The following KCNG2 variants were observed in gnomAD, a reference collection of about 807,000 sequenced individuals.
KCNG2 encodes the protein voltage-gated potassium channel regulatory subunit KCNG2.
In KCNG2, 7 loss-of-function variants were observed where a neutral mutation model predicts 12.3. That is an observed-to-expected ratio of 0.57 (90% CI 0.32 to 1.07). KCNG2 has a LOEUF of 1.07. Ranked by LOEUF, KCNG2 falls within the 50% of genes least tolerant of loss-of-function variation. The pLI is 0.04. For synonymous variants in KCNG2, 414 were observed against 351.4 expected (o/e 1.18, Z -1.99); for missense variants, 703 against 726.0 (o/e 0.97, Z 0.36).
chr18:79,815,514 C>A (rs973679535), intron 1 of KCNG2, among the ~76,000 whole-genome samples: 1 of 151,398 alleles, frequency 6.6e-6, no homozygotes, highest in African/African-American at 2.4e-5. Flanking sequence ...TGGCTTCTAG[C>A]GGAATCAAAG....
intron 1 of KCNG2, among the ~76,000 whole-genome samples, chr18:79,819,059 G>GA (rs1299727523): frequency 3.9e-5 from 6 of 152,028 alleles, no homozygotes; most frequent in Non-Finnish European, 5.9e-5. Flanking sequence ...ATCAGGAGAT[G>GA]AAAAAAACAA....
intron 1 of KCNG2, among the ~76,000 whole-genome samples, chr18:79,826,433 G>A (rs750413253): frequency 1.1e-4 from 17 of 151,596 alleles, no homozygotes; most frequent in Non-Finnish European, 2.4e-4. Flanking sequence ...AGCTCCTCAC[G>A]GAAGGTTAGA....
intron 3 of KCNG2, among the ~76,000 whole-genome samples, chr18:79,889,457 A>G (rs1385457617): frequency 6.9e-6 from 1 of 144,890 alleles, no homozygotes; most frequent in Non-Finnish European, 1.6e-5. Flanking sequence ...TGTAGTTATC[A>G]AAGTGTAAGT....
At position 79,899,495 on chromosome 18, in the gene KCNG2, T is replaced by C. The variant is rs114148894; in HGVS notation, c.1080T>C (p.Tyr360=). The C allele has an allele frequency of 7.3e-3, 11,664 of 1,607,766 alleles. 719 individuals are homozygous for C. The African/African-American group carries it at 0.13, about 19-fold the overall frequency. The change falls in exon 4 of 4, where the codon TAT becomes TAC. Residue 360 remains tyrosine, a synonymous_variant. Coordinates refer to ENST00000316249, the MANE Select transcript of KCNG2 (RefSeq NM_012283.2). ...ACTTCTCCAGCGTGCCCGCCAGCTA[T>C]TGGTGGGCCGTCATCTCCATGACCA... is the stretch of plus-strand genomic sequence containing the variant. ...RRDFSSVPAS[Y]WWAVISMTTV... is the part of the protein sequence containing the mutation.
At chr18:79,808,047 C>T (rs80132122) in intron 1 of KCNG2, among the ~76,000 whole-genome samples, 6 of 116,132 alleles carry the variant, frequency 5.2e-5, no homozygotes, top group Non-Finnish European at 8.7e-5. Context: ...CTCCACGTTA[C>T]GGTCCCAGAG....
At chr18:79,892,690 G>A (rs953382730) in intron 3 of KCNG2, among the ~76,000 whole-genome samples, 1 of 141,534 alleles carries the variant, frequency 7.1e-6, no homozygotes, top group Non-Finnish European at 1.5e-5. Flanking sequence ...TGCTTTTGAT[G>A]GGGTTGTTCA....
intron 1 of KCNG2, among the ~76,000 whole-genome samples, chr18:79,849,002 T>C (rs1978721204): frequency 6.6e-6 from 1 of 152,136 alleles, no homozygotes; most frequent in African/African-American, 2.4e-5. Context: ...GAGCCGTGGA[T>C]AATGAGTGCT....
chr18:79,842,865 C>G (rs1178873528), intron 1 of KCNG2, among the ~76,000 whole-genome samples: 2 of 152,006 alleles, frequency 1.3e-5, no homozygotes, highest in African/African-American at 4.8e-5. Context: ...GGACTGCCAG[C>G]AAGCAAATCA....
chr18:79,807,959 G>A (rs1173818857), intron 1 of KCNG2, among the ~76,000 whole-genome samples: 2 of 113,458 alleles, frequency 1.8e-5, no homozygotes, highest in Non-Finnish European at 1.8e-5. Context: ...AGGAGCTGCC[G>A]GGGCCGCGCT....
chr18:79,807,486 A>C lies in KCNG2; in HGVS notation c.-115+9472A>C, dbSNP rs529111196. On this transcript the variant is annotated intron_variant, in intron 1 of 3. Transcript: ENST00000316249. The stretch of plus-strand genomic sequence containing the variant: ...GCGGACTGCTCTGACACGTCACCCC[A>C]CCGGGATTTTTAGAACGCCTCTGCG... Among the ~76,000 whole-genome samples the C allele has an allele frequency of 3.3e-5, 5 of 152,250 alleles. No individual in the cohort carries two copies. In the South Asian group the frequency reaches 1.0e-3, roughly 32 times the overall value.
chr18:79,833,296 T>C (rs1273600447), intron 1 of KCNG2, among the ~76,000 whole-genome samples: 1 of 152,146 alleles, frequency 6.6e-6, no homozygotes, highest in Non-Finnish European at 1.5e-5. Flanking sequence ...CTACCACACC[T>C]GGCTAATTTC....
In KCNG2 at chr18:79,822,284, C is replaced by T. The variant is rs2123006792; in HGVS notation, c.-115+24270C>T. Among the ~76,000 whole-genome samples the T allele has an allele frequency of 6.6e-6, 1 of 152,296 alleles. No individual in the cohort carries two copies. Among genetic ancestry groups the T allele is most frequent in the East Asian group, 1.9e-4 (1 of 5,182 alleles). On this transcript the variant is annotated intron_variant, in intron 1 of 3. Coordinates refer to ENST00000316249, the MANE Select transcript of KCNG2 (RefSeq NM_012283.2). This position sits in a 1 kb window ranked among gnomAD's most constrained non-coding sequence, Gnocchi z 4.4. Reference sequence around the variant, plus strand: ...ACCAGGGATTCCCACTGGCCCCGCCCTGGTCACTACTTTAAAACCCCACTC... The same window carrying T: ...ACCAGGGATTCCCACTGGCCCCGCCTTGGTCACTACTTTAAAACCCCACTC...
At chr18:79,806,774 A>G (rs1227711468) in intron 1 of KCNG2, among the ~76,000 whole-genome samples, 1 of 152,214 alleles carries the variant, frequency 6.6e-6, no homozygotes, top group East Asian at 1.9e-4. Context: ...ACGCTTTCTC[A>G]AATAAAACCA....
At chr18:79,857,461 CTCCT>C (rs1262245795) in intron 2 of KCNG2, among the ~76,000 whole-genome samples, 2 of 152,020 alleles carry the variant, frequency 1.3e-5, no homozygotes, top group Non-Finnish European at 2.9e-5. Flanking sequence ...CTTTCCCTCA[CTCCT>C]TCCTTTTCAT....
rs1322570852 is a variant in KCNG2 at position 79,803,883 on chromosome 18, C to T, written c.-115+5869C>T. Among the ~76,000 whole-genome samples the T allele has an allele frequency of 1.3e-5, 2 of 152,178 alleles. No individual in the cohort carries two copies. The highest frequency in any genetic ancestry group is 2.9e-5 in the Non-Finnish European group (2 of 68,030). ...GCTGAGGCCTCCGTGTTGGTTTCTC[C>T]GGGGTTGGTGCCGGTGGATCAGAAT... On this transcript the variant is annotated intron_variant, in intron 1 of 3. Coordinates refer to ENST00000316249, the MANE Select transcript of KCNG2 (RefSeq NM_012283.2). This position sits in a 1 kb window ranked among gnomAD's most constrained non-coding sequence, Gnocchi z 4.5.
rs531538203 is a variant in KCNG2, at chr18:79,814,074, G to A, written c.-115+16060G>A. The stretch of plus-strand genomic sequence containing the variant: ...TGTGCCCCTACACATCTACCAGAGT[G>A]GCTGAAATCAATAGAAAATATTGAC... On this transcript the variant is annotated intron_variant, in intron 1 of 3. Transcript: ENST00000316249. Among the ~76,000 whole-genome samples the A allele has an allele frequency of 5.4e-4, 83 of 152,306 alleles. 2 individuals carry two copies. Among genetic ancestry groups the A allele is most frequent in the Admixed American group, 4.9e-3 (75 of 15,292 alleles).
chr18:79,838,163 A>G (rs1978357943), intron 1 of KCNG2, among the ~76,000 whole-genome samples: 1 of 152,176 alleles, frequency 6.6e-6, no homozygotes, highest in South Asian at 2.1e-4. Context: ...GTCACCTCCC[A>G]CCAGGTCCCT....
chr18:79,862,855 AAAGT>A (rs2123064975), intron 2 of KCNG2, among the ~76,000 whole-genome samples: 1 of 152,346 alleles, frequency 6.6e-6, no homozygotes, highest in South Asian at 2.1e-4. Context: ...CCACGGAGTC[AAAGT>A]AATTACGATT....
chr18:79,850,416 A>C (rs1196872070), intron 1 of KCNG2, among the ~76,000 whole-genome samples: 1 of 152,230 alleles, frequency 6.6e-6, no homozygotes, highest in Non-Finnish European at 1.5e-5. Context: ...GTATTTATTC[A>C]GAGTTCCTAT....
Sources: allele counts gnomAD v4.1 joint callset (sites outside exome capture counted in the v4.1 genomes callset), GRCh38; gene constraint gnomAD v4.1.1; non-coding constraint Gnocchi (gnomAD v3.1); transcripts MANE v1.5; gene names NCBI Gene and HGNC (gene_info 2026-07-23, HGNC 2026-07-21).